The following CCL28 variants were observed in gnomAD, a reference collection of about 807,000 sequenced individuals.
CCL28 encodes the protein C-C motif chemokine 28.
CCL28 carries 4 observed loss-of-function variants against 7.1 expected under a neutral mutation model. The ratio of observed to expected loss-of-function variants is 0.56; its 90% CI spans 0.28 to 1.29. The LOEUF is 1.29. Ranked by LOEUF, CCL28 falls within the 50% of genes most tolerant of loss-of-function variation. The pLI, the probability that CCL28 is intolerant of heterozygous loss-of-function variation, is 0.11. For synonymous variants in CCL28, 55 were observed against 57.8 expected, an observed-to-expected ratio of 0.95 and a Z score of 0.22; for missense variants, 151 against 163.4, an observed-to-expected ratio of 0.92 and a Z score of 0.41.
At chr5:43,358,518 G>A in the CCL28 span, among the ~76,000 whole-genome samples, 3 of 152,126 alleles carry the variant, frequency 2.0e-5, no homozygotes, top group South Asian at 4.1e-4. Flanking sequence ...CTTAGTTTCC[G>A]TTTGGTGGAG....
At chr5:43,397,783 T>C (rs1332054226) in intron 1 of CCL28, among the ~76,000 whole-genome samples, 1 of 152,216 alleles carries the variant, frequency 6.6e-6, no homozygotes, top group East Asian at 1.9e-4. Flanking sequence ...ATTTCTACTA[T>C]AACTTTTTGC....
intron 1 of CCL28, among the ~76,000 whole-genome samples, chr5:43,394,090 C>T (rs1740699665): frequency 6.6e-6 from 1 of 152,116 alleles, no homozygotes; most frequent in African/African-American, 2.4e-5. Context: ...ATAACAGAAC[C>T]ACCCCATCTC....
At chr5:43,393,561 G>T (rs527622046) in intron 1 of CCL28, among the ~76,000 whole-genome samples, 1 of 152,058 alleles carries the variant, frequency 6.6e-6, no homozygotes, top group East Asian at 1.9e-4. Context: ...CACCATGTTG[G>T]CCAGGTTGGT....
downstream of CCL28, among the ~76,000 whole-genome samples, chr5:43,372,276 G>A (rs1403270875): frequency 1.3e-5 from 2 of 152,204 alleles, no homozygotes; most frequent in Admixed American, 6.5e-5. Context: ...CATTATGCTT[G>A]TGAGATACAT....
At chr5:43,385,611 A>G (rs1740306591) in intron 2 of CCL28, among the ~76,000 whole-genome samples, 2 of 152,226 alleles carry the variant, frequency 1.3e-5, no homozygotes, top group African/African-American at 2.4e-5. Context: ...ACATCAGGAA[A>G]CACAACAGAC....
the CCL28 span, among the ~76,000 whole-genome samples, chr5:43,367,392 G>A: frequency 3.9e-5 from 6 of 152,212 alleles, no homozygotes; most frequent in Non-Finnish European, 5.9e-5. Flanking sequence ...CTTGGTCTGC[G>A]GGTTGTGAAG....
At chr5:43,409,838 C>T (rs557420393) in intron 1 of CCL28, among the ~76,000 whole-genome samples, 3 of 152,140 alleles carry the variant, frequency 2.0e-5, no homozygotes, top group African/African-American at 7.2e-5. Flanking sequence ...TCAGGGCCAC[C>T]GAAACAGGAT....
At chr5:43,389,802 A>T (rs1740497470) in intron 1 of CCL28, among the ~76,000 whole-genome samples, 1 of 152,222 alleles carries the variant, frequency 6.6e-6, no homozygotes, top group African/African-American at 2.4e-5. Context: ...ACATGTTAGT[A>T]GGTGCAACTA....
intron 1 of CCL28, among the ~76,000 whole-genome samples, chr5:43,402,923 G>A (rs982974561): frequency 2.6e-5 from 4 of 152,308 alleles, no homozygotes; most frequent in Middle Eastern, 3.4e-3. Context: ...CTAGCACAGC[G>A]GTCTGAGATT....
intron 1 of CCL28, among the ~76,000 whole-genome samples, chr5:43,401,107 A>C (rs1420654573): frequency 1.3e-5 from 2 of 152,032 alleles, no homozygotes; most frequent in African/African-American, 4.8e-5. Context: ...GAAAAAGAAA[A>C]AAAAGGCAAC....
the CCL28 span, among the ~76,000 whole-genome samples, chr5:43,362,077 T>G: frequency 6.6e-6 from 1 of 152,344 alleles, no homozygotes; most frequent in East Asian, 1.9e-4. Flanking sequence ...ATCTGTAAAT[T>G]GCTTTGGGCA....
downstream of CCL28, among the ~76,000 whole-genome samples, chr5:43,376,059 A>T (rs1375759996): frequency 6.6e-6 from 1 of 152,188 alleles, no homozygotes; most frequent in Non-Finnish European, 1.5e-5. Flanking sequence ...GGCTCCTATG[A>T]TTAAGTCACT....
intron 2 of CCL28, among the ~76,000 whole-genome samples, chr5:43,383,206 T>C (rs546282856): frequency 1.8e-4 from 27 of 152,356 alleles, no homozygotes; most frequent in Admixed American, 4.6e-4. Flanking sequence ...TAATTTTTTT[T>C]GTTGAAAAAG....
At chr5:43,368,263 T>C in the CCL28 span, among the ~76,000 whole-genome samples, 12 of 152,168 alleles carry the variant, frequency 7.9e-5, no homozygotes, top group Admixed American at 7.9e-4. Flanking sequence ...AGGAGGTAGT[T>C]CTCTCCTTCA....
chr5:43,384,560 G>A lies in CCL28; in HGVS notation c.192-2508C>T, dbSNP rs189189627. Among the ~76,000 whole-genome samples, 23 of 152,128 alleles carry A rather than the reference G, an allele frequency of 1.5e-4. No homozygotes were observed. In the East Asian group the frequency reaches 4.2e-3, roughly 28 times the overall value. ...CCTACTCGCAATTCCATAGTATTCT[G>A]ATGGGCACCAATCCCCACCTTCCCA... On this transcript the variant is annotated intron_variant, in intron 2 of 2. Coordinates refer to ENST00000361115, the MANE Select transcript of CCL28 (RefSeq NM_148672.3).
intron 1 of CCL28, among the ~76,000 whole-genome samples, chr5:43,396,250 A>C (rs139027142): frequency 1.1e-3 from 162 of 151,944 alleles, no homozygotes; most frequent in African/African-American, 3.4e-3. Flanking sequence ...CGCTGATGGG[A>C]GTGTAGTAGT....
intron 1 of CCL28, among the ~76,000 whole-genome samples, chr5:43,392,369 G>C (rs1157201645): frequency 6.6e-6 from 1 of 152,006 alleles, no homozygotes; most frequent in Non-Finnish European, 1.5e-5. Flanking sequence ...TGCCTGCCTC[G>C]CCCTTCCAAA....
At chr5:43,372,997 C>T (rs1043688735), downstream of CCL28, among the ~76,000 whole-genome samples, 7 of 151,772 alleles carry the variant, frequency 4.6e-5, no homozygotes, top group African/African-American at 1.5e-4. Context: ...GATGGGGTTT[C>T]GCCATGTTGG....
chr5:43,377,533 A>G (rs1739929803), downstream of CCL28: 1 of 150,742 alleles, frequency 6.6e-6, no homozygotes. Context: ...AAAAAGAAAA[A>G]GTTATTTTAA....
Sources: allele counts gnomAD v4.1 joint callset (sites outside exome capture counted in the v4.1 genomes callset), GRCh38; gene constraint gnomAD v4.1.1; transcripts MANE v1.5; gene names NCBI Gene and HGNC (gene_info 2026-07-23, HGNC 2026-07-21).